KCNN3: variants seen among roughly 807,000 people sequenced by gnomAD.
KCNN3 encodes potassium calcium-activated channel subfamily N member 3.
KCNN3 carries 16 observed loss-of-function variants against 62.9 expected under a neutral mutation model. The observed-to-expected ratio is 0.25, with a 90% CI of 0.17 to 0.39. The LOEUF (loss-of-function observed/expected upper bound fraction) is 0.39. KCNN3 is among the 10% of genes least tolerant of loss of function. The pLI is 1.00. For synonymous variants in KCNN3, 370 were observed against 389.2 expected, an observed-to-expected ratio of 0.95 and a Z score of 0.58; for missense variants, 599 against 949.4, an observed-to-expected ratio of 0.63 and a Z score of 4.85.
chr1:154,712,645 T>G (rs1700101911), intron 7 of KCNN3, among the ~76,000 whole-genome samples: 1 of 152,226 alleles, frequency 6.6e-6, no homozygotes, highest in South Asian at 2.1e-4. Flanking sequence ...TGGAATGTTC[T>G]GCCAGCCTGG....
intron 4 of KCNN3, among the ~76,000 whole-genome samples, chr1:154,726,842 C>T (rs569886236): frequency 1.2e-4 from 18 of 152,142 alleles, no homozygotes; most frequent in Non-Finnish European, 2.1e-4. Flanking sequence ...TCGGTAGGTC[C>T]GTGCCAGGGG....
intron 2 of KCNN3, among the ~76,000 whole-genome samples, chr1:154,785,980 T>C (rs1649264483): frequency 6.6e-6 from 1 of 152,154 alleles, no homozygotes; most frequent in Non-Finnish European, 1.5e-5. Flanking sequence ...CCAGACCTCA[T>C]AGCAACTAAG....
chr1:154,739,469 G>A (rs1700782961), intron 3 of KCNN3, among the ~76,000 whole-genome samples: 1 of 152,064 alleles, frequency 6.6e-6, no homozygotes, highest in Non-Finnish European at 1.5e-5. Flanking sequence ...CATGTAGGCA[G>A]GATTACCTAA....
chr1:154,710,588 C>T (rs561557935), intron 7 of KCNN3, among the ~76,000 whole-genome samples: 13 of 152,344 alleles, frequency 8.5e-5, no homozygotes, highest in South Asian at 8.3e-4. Flanking sequence ...TCGCTTCACC[C>T]GGTCTGCTCC....
intron 3 of KCNN3, among the ~76,000 whole-genome samples, chr1:154,760,137 C>T (rs1373880987): frequency 1.3e-5 from 2 of 151,854 alleles, no homozygotes; most frequent in Non-Finnish European, 2.9e-5. Context: ...CTCAGTCTCC[C>T]GAGTAGCTGG....
Position 154,864,210 on chromosome 1 carries a change from C to T in KCNN3, c.933+4822G>A, listed in dbSNP as rs566394987. On this transcript the variant is annotated intron_variant, in intron 1 of 7. Coordinates refer to ENST00000271915, the MANE Select transcript of KCNN3 (RefSeq NM_002249.6). ...CCACAGGGAGGGTCCATGGAAAGGG[C>T]TGGAAAGGGTCTATCCTACTCCTAC... Among the ~76,000 whole-genome samples the T allele has an allele frequency of 5.3e-5, 8 of 152,320 alleles. No homozygotes were observed. The South Asian group carries it at 1.5e-3, about 28-fold the overall frequency.
At chr1:154,714,588 T>G (rs1700189139) in intron 6 of KCNN3, among the ~76,000 whole-genome samples, 2 of 56,640 alleles carry the variant, frequency 3.5e-5, no homozygotes, top group African/African-American at 6.5e-5. Context: ...GTGGTGTGTA[T>G]GGTGTGTGTG....
At chr1:154,734,600 C>T (rs1700670669) in intron 3 of KCNN3, among the ~76,000 whole-genome samples, 1 of 152,142 alleles carries the variant, frequency 6.6e-6, no homozygotes, top group Non-Finnish European at 1.5e-5. Context: ...GTGAGGCGTG[C>T]AGGGCAGGCT....
chr1:154,825,152 C>T (rs1449770258), intron 1 of KCNN3, among the ~76,000 whole-genome samples: 2 of 152,086 alleles, frequency 1.3e-5, no homozygotes, highest in Non-Finnish European at 2.9e-5. Context: ...GCAGTGACAC[C>T]GGGCTGCCAT....
In KCNN3 at chr1:154,707,614, T is replaced by G; in HGVS notation, c.*362A>C. On this transcript the variant is annotated 3_prime_UTR_variant, in exon 8 of 8. Transcript: ENST00000271915. ...ACCCTCCCTCCCAGCGGACCCCTCTTCTGGACTGGCTTCGCTGTTGGCTAC... is the reference window on the plus strand; with the variant it reads ...ACCCTCCCTCCCAGCGGACCCCTCTGCTGGACTGGCTTCGCTGTTGGCTAC... The G allele has an allele frequency of 5.2e-6, 1 of 193,034 alleles. No homozygotes were observed. The allele number at this position is 193,034 out of a possible 1,614,324, so 12.0% of individuals were successfully genotyped here. A position where few individuals can be genotyped will look rare whatever the true frequency, so the allele number is the denominator to read the frequency against.
chr1:154,848,100 C>A (rs571067476), intron 1 of KCNN3, among the ~76,000 whole-genome samples: 7 of 152,212 alleles, frequency 4.6e-5, no homozygotes, highest in Admixed American at 6.5e-5. Flanking sequence ...AGGCCTCCCC[C>A]CCTCCCCAGC....
chr1:154,737,823 G>A (rs570727990), intron 3 of KCNN3, among the ~76,000 whole-genome samples: 1 of 152,368 alleles, frequency 6.6e-6, no homozygotes, highest in South Asian at 2.1e-4. Context: ...CTCGGAGGCT[G>A]AGGCAGGAGG....
chr1:154,724,229 C>T lies in KCNN3; in HGVS notation c.1701+1687G>A, dbSNP rs1357150271. Among the ~76,000 whole-genome samples, 4 of 152,362 alleles carry T rather than the reference C, an allele frequency of 2.6e-5. No homozygotes were observed. The East Asian group carries it at 7.7e-4, about 29-fold the overall frequency. On this transcript the variant is annotated intron_variant, in intron 5 of 7. Transcript: ENST00000271915. The stretch of plus-strand genomic sequence containing the variant: ...TTGGCCGCTGCACACTCTCCCACTG[C>T]CTTCCCCAAGAGCTCGCTCGCAGCT...
intron 1 of KCNN3, among the ~76,000 whole-genome samples, chr1:154,866,559 T>C (rs567568266): frequency 6.6e-5 from 10 of 152,322 alleles, no homozygotes; most frequent in Admixed American, 5.9e-4. Context: ...CCCTGCAGTG[T>C]GTACAAGGCC....
chr1:154,849,107 A>C (rs1446672714), intron 1 of KCNN3, among the ~76,000 whole-genome samples: 3 of 152,004 alleles, frequency 2.0e-5, no homozygotes, highest in African/African-American at 4.8e-5. Context: ...ATCCTGGCCC[A>C]CTCACCTCAA....
chr1:154,724,963 T>A (rs1700430293), intron 5 of KCNN3, among the ~76,000 whole-genome samples: 1 of 151,998 alleles, frequency 6.6e-6, no homozygotes, highest in Non-Finnish European at 1.5e-5. Flanking sequence ...TTCAAGTGAT[T>A]CTCCTGCCTC....
intron 2 of KCNN3, 121 bp downstream of exon 2, chr1:154,821,968 G>C: frequency 1.3e-6 from 1 of 760,024 alleles, no homozygotes; most frequent in South Asian, 1.5e-5. Context: ...CTTGGGCACC[G>C]TCTTGTAAAA....
chr1:154,867,363 C>T (rs1652994945), intron 1 of KCNN3, among the ~76,000 whole-genome samples: 3 of 152,212 alleles, frequency 2.0e-5, no homozygotes, highest in African/African-American at 7.2e-5. Flanking sequence ...GACGCTCATC[C>T]TTGAGCTATT....
chr1:154,716,771 T>C (rs1700240302), intron 5 of KCNN3, among the ~76,000 whole-genome samples: 1 of 152,212 alleles, frequency 6.6e-6, no homozygotes, highest in African/African-American at 2.4e-5. Flanking sequence ...AAACGGTGGA[T>C]GTCCAGGAGA....
Sources: gnomAD v4.1 joint callset for allele counts (sites outside exome capture counted in the v4.1 genomes callset) on GRCh38, gnomAD v4.1.1 for gene constraint, MANE v1.5 for transcripts, NCBI Gene and HGNC (gene_info 2026-07-23, HGNC 2026-07-21) for gene names.